DRC11: variants seen among roughly 807,000 people sequenced by gnomAD.
The protein encoded by DRC11 is dynein regulatory complex subunit 11, also known as IQ and AAA domain-containing protein 1.
the DRC11 span, among the ~76,000 whole-genome samples, chr2:236,410,737 T>C: frequency 5.3e-5 from 8 of 150,808 alleles, no homozygotes; most frequent in Non-Finnish European, 1.0e-4. Context: ...TCAGAAATAA[T>C]GCCACATATC....
the DRC11 span, among the ~76,000 whole-genome samples, chr2:236,356,897 A>G: frequency 7.7e-6 from 1 of 129,850 alleles, no homozygotes; most frequent in Admixed American, 8.1e-5. Context: ...TTTTTATAAT[A>G]TGTATATTTA....
the DRC11 span, among the ~76,000 whole-genome samples, chr2:236,496,145 A>T: frequency 7.7e-3 from 1,172 of 152,316 alleles, 14 homozygotes; most frequent in African/African-American, 0.027. The surrounding 1 kb of genome is among the most constrained non-coding windows in gnomAD (Gnocchi z 6.3). Flanking sequence ...TTTAGTGAGT[A>T]AAGTGCACCA....
chr2:236,426,797 T>C, the DRC11 span, among the ~76,000 whole-genome samples: 1 of 152,214 alleles, frequency 6.6e-6, no homozygotes, highest in Admixed American at 6.5e-5. The surrounding 1 kb of genome is among the most constrained non-coding windows in gnomAD (Gnocchi z 4.1). Flanking sequence ...TCTTGCCTAA[T>C]TGCTCTGGCT....
At chr2:236,464,421 C>T in the DRC11 span, among the ~76,000 whole-genome samples, 2 of 152,158 alleles carry the variant, frequency 1.3e-5, no homozygotes, top group African/African-American at 4.8e-5. Context: ...ACAATCTGCC[C>T]TCTTTTCTTC....
At chr2:236,358,381 T>A in the DRC11 span, among the ~76,000 whole-genome samples, 69 of 132,758 alleles carry the variant, frequency 5.2e-4, 1 homozygote, top group Non-Finnish European at 9.3e-4. Context: ...AGATATATAT[T>A]TATGATATAT....
At chr2:236,320,756 C>T in the DRC11 span, among the ~76,000 whole-genome samples, 1 of 152,208 alleles carries the variant, frequency 6.6e-6, no homozygotes, top group African/African-American at 2.4e-5. Flanking sequence ...CTAATTGTCA[C>T]ATAATGGCCC....
At chr2:236,374,428 G>A in the DRC11 span, among the ~76,000 whole-genome samples, 1 of 152,174 alleles carries the variant, frequency 6.6e-6, no homozygotes, top group Non-Finnish European at 1.5e-5. Flanking sequence ...CTTAGAGTCT[G>A]TATGAATTTG....
At chr2:236,365,658 G>A in the DRC11 span, among the ~76,000 whole-genome samples, 1 of 152,112 alleles carries the variant, frequency 6.6e-6, no homozygotes, top group Non-Finnish European at 1.5e-5. The surrounding 1 kb of genome is among the most constrained non-coding windows in gnomAD (Gnocchi z 7.4). Context: ...ACCCGGGAGA[G>A]TGTGTGGCAG....
the DRC11 span, among the ~76,000 whole-genome samples, chr2:236,313,307 T>C: frequency 6.6e-6 from 1 of 152,114 alleles, no homozygotes; most frequent in Non-Finnish European, 1.5e-5. The surrounding 1 kb of genome is among the most constrained non-coding windows in gnomAD (Gnocchi z 4.5). Context: ...AAAAATACAC[T>C]ATAAACATAA....
chr2:236,357,430 T>C, the DRC11 span, among the ~76,000 whole-genome samples: 3 of 126,332 alleles, frequency 2.4e-5, no homozygotes, highest in East Asian at 7.0e-4. Context: ...ATAATTTACA[T>C]AGTATATGTA....
chr2:236,493,969 G>T, the DRC11 span: 3 of 1,211,138 alleles, frequency 2.5e-6, no homozygotes, highest in Non-Finnish European at 2.2e-6. Context: ...CAGTAAGGAC[G>T]TGCACATCAA....
chr2:236,438,466 C>A, the DRC11 span, among the ~76,000 whole-genome samples: 1 of 150,156 alleles, frequency 6.7e-6, no homozygotes, highest in South Asian at 2.1e-4. Flanking sequence ...GTAGTTTTTT[C>A]CAATTCTGTG....
chr2:236,314,155 G>T, the DRC11 span, among the ~76,000 whole-genome samples: 1 of 152,158 alleles, frequency 6.6e-6, no homozygotes, highest in Non-Finnish European at 1.5e-5. This position sits in a 1 kb window ranked among gnomAD's most constrained non-coding sequence, Gnocchi z 4.5. Flanking sequence ...CATTGGGGGA[G>T]ATTGGGCAGC....
the DRC11 span, among the ~76,000 whole-genome samples, chr2:236,487,693 T>C: frequency 6.6e-6 from 1 of 152,210 alleles, no homozygotes; most frequent in Admixed American, 6.5e-5. Flanking sequence ...ATTCCAAAAA[T>C]CCATTAAGGA....
At chr2:236,489,513 G>A in the DRC11 span, among the ~76,000 whole-genome samples, 1 of 152,146 alleles carries the variant, frequency 6.6e-6, no homozygotes, top group Non-Finnish European at 1.5e-5. Context: ...CTCAATGGGA[G>A]GCCCCAGTGC....
the DRC11 span, among the ~76,000 whole-genome samples, chr2:236,477,172 C>A: frequency 0.19 from 28,385 of 151,954 alleles, 2,955 homozygotes; most frequent in Middle Eastern, 0.27. Flanking sequence ...GTGCTGGTGA[C>A]ACACACAGTA....
At chr2:236,462,242 G>C in the DRC11 span, among the ~76,000 whole-genome samples, 1 of 152,138 alleles carries the variant, frequency 6.6e-6, no homozygotes, top group African/African-American at 2.4e-5. This position sits in a 1 kb window ranked among gnomAD's most constrained non-coding sequence, Gnocchi z 6.4. Flanking sequence ...AGCCAGCAGA[G>C]CCGGGCTCAG....
the DRC11 span, among the ~76,000 whole-genome samples, chr2:236,384,794 G>A: frequency 4.6e-5 from 7 of 151,724 alleles, no homozygotes; most frequent in Admixed American, 1.3e-4. Flanking sequence ...ATGGTTTTAG[G>A]TCTAACGTTT....
At chr2:236,471,688 T>C in the DRC11 span, among the ~76,000 whole-genome samples, 1 of 152,204 alleles carries the variant, frequency 6.6e-6, no homozygotes, top group African/African-American at 2.4e-5. The surrounding 1 kb of genome is among the most constrained non-coding windows in gnomAD (Gnocchi z 4.6). Flanking sequence ...CTAGGCGTTA[T>C]TACTACCTCC....
Sources: gnomAD v4.1 joint callset for allele counts (sites outside exome capture counted in the v4.1 genomes callset) on GRCh38, gnomAD v4.1.1 for gene constraint, Gnocchi (gnomAD v3.1) non-coding constraint, MANE v1.5 for transcripts, NCBI Gene and HGNC (gene_info 2026-07-23, HGNC 2026-07-21) for gene names.